SLC6A12: variants seen among roughly 807,000 people sequenced by gnomAD.
SLC6A12 encodes the protein sodium- and chloride-dependent betaine transporter.
In SLC6A12, 50 loss-of-function variants were observed where a neutral mutation model predicts 73.3. The ratio of observed to expected loss-of-function variants is 0.68; its 90% CI spans 0.54 to 0.86. SLC6A12 has a LOEUF of 0.86. SLC6A12 is among the 40% of genes least tolerant of loss of function. The probability of loss-of-function intolerance (pLI) is 0.00; values close to 1 mark genes in which losing one functional copy is unlikely to be tolerated. For synonymous variants in SLC6A12, 304 were observed against 309.2 expected (o/e 0.98, Z 0.18); for missense variants, 648 against 772.8 (o/e 0.84, Z 1.92).
downstream of SLC6A12, among the ~76,000 whole-genome samples, chr12:189,333 C>G (rs1591773516): frequency 1.3e-5 from 2 of 152,310 alleles, no homozygotes; most frequent in South Asian, 4.1e-4. Context: ...GACCCGGCCT[C>G]GTAACTGAGA....
intron 3 of SLC6A12, among the ~76,000 whole-genome samples, chr12:209,395 C>T (rs1026759478): frequency 1.3e-5 from 2 of 152,262 alleles, no homozygotes; most frequent in South Asian, 2.1e-4. Context: ...GGGTGGCACA[C>T]GGAATGTGTT....
chr12:186,750 T>C (rs928136796), downstream of SLC6A12, among the ~76,000 whole-genome samples: 7 of 152,228 alleles, frequency 4.6e-5, 1 homozygote, highest in South Asian at 2.1e-4. Flanking sequence ...TATTGAGATG[T>C]AGCTCTGAAA....
At chr12:201,054 G>A (rs745794261) in intron 6 of SLC6A12, among the ~76,000 whole-genome samples, 12 of 152,174 alleles carry the variant, frequency 7.9e-5, no homozygotes, top group Admixed American at 3.9e-4. Flanking sequence ...GTATAAATGA[G>A]CGTTTAGAGA....
chr12:199,649 C>G (rs1301911027), intron 7 of SLC6A12: 3 of 152,352 alleles, frequency 2.0e-5, no homozygotes, highest in Non-Finnish European at 4.4e-5. Flanking sequence ...AGGGGAAAGG[C>G]TGCTGCGGGA....
chr12:210,307 G>A lies in SLC6A12; in HGVS notation c.-57-264C>T, dbSNP rs531796737. 7.4e-5 allele frequency: 89 copies of A among 1,203,110 alleles called. 1 individual carries two copies. The highest frequency in any genetic ancestry group is 6.3e-4 in the African/African-American group (40 of 63,794). The allele number at this position is 1,203,110 out of a possible 1,614,324, so 74.5% of individuals were successfully genotyped here. ...GGAACCGTGATGAAAACTCAGGCTC[G>A]GGCTTTTCATTTTCATGTCCCTTTT... On this transcript the variant is annotated intron_variant, in intron 2 of 15. Coordinates refer to ENST00000684302, the MANE Select transcript of SLC6A12 (RefSeq NM_001122848.3).
downstream of SLC6A12, among the ~76,000 whole-genome samples, chr12:186,667 G>A (rs1183407271): frequency 3.3e-5 from 5 of 152,340 alleles, no homozygotes; most frequent in East Asian, 7.7e-4. Context: ...CCTCTCTATT[G>A]GGCCAACTGT....
intron 15 of SLC6A12, 94 bp downstream of exon 15, chr12:192,384 T>TGTC: frequency 9.0e-7 from 1 of 1,110,242 alleles, no homozygotes; most frequent in South Asian, 1.4e-5. Context: ...TCAGAGTTTG[T>TGTC]GTCTGCTCCC....
At position 198,867 on chromosome 12, in the gene SLC6A12, G is replaced by T; in HGVS notation, c.776C>A (p.Thr259Asn). Reference protein sequence around the residue: ...MLVILLIRGVTLPGAYQGIIY... With the variant: ...MLVILLIRGVNLPGAYQGIIY... ...GATGCCCTGGTAGGCTCCGGGAAGG[G>T]TGACACCTCTGATCAGCAAAATGAC... Residue 259 changes from threonine (T) to asparagine (N), a missense_variant, in exon 8 of 16, where the codon ACC becomes AAC. Transcript: ENST00000684302. This position sits in a 1 kb window ranked among gnomAD's most constrained non-coding sequence, Gnocchi z 4.0. 6.2e-7 allele frequency: 1 copy of T among 1,614,154 alleles called. No individual in the cohort carries two copies. Among genetic ancestry groups the T allele is most frequent in the Non-Finnish European group, 8.5e-7 (1 of 1,179,990 alleles).
rs777807257 is a variant in SLC6A12, at chr12:196,802, T to C, written c.1156A>G (p.Ile386Val). 1.2e-6 allele frequency: 2 copies of C among 1,613,536 alleles called. No individual in the cohort carries two copies. Among genetic ancestry groups the C allele is most frequent in the African/African-American group, 2.7e-5 (2 of 74,850 alleles). The change falls in exon 11 of 16, where the codon ATC becomes GTC. Residue 386 changes from isoleucine to valine, a missense_variant. By Grantham distance (29) the Ile-to-Val change is conservative (BLOSUM62 3). Transcript: ENST00000684302. ...LSQLWSCLFF[I>V]MLIFLGLDSQ... ...TCCAGCCCTAGGAATATGAGCATGA[T>C]AAAGAACAGGCAGGACCACAGCTGG...
chr12:183,990 A>G, the SLC6A12 span, among the ~76,000 whole-genome samples: 1 of 152,182 alleles, frequency 6.6e-6, no homozygotes, highest in Non-Finnish European at 1.5e-5. Flanking sequence ...AAAGCAGACA[A>G]GCACGGTATG....
downstream of SLC6A12, among the ~76,000 whole-genome samples, chr12:187,012 GCA>G (rs1281025346): frequency 3.9e-5 from 6 of 152,336 alleles, no homozygotes; most frequent in South Asian, 4.2e-4. Flanking sequence ...CTCCGCTAGG[GCA>G]CAGATTATGA....
At chr12:200,199 C>T (rs1205163913) in intron 7 of SLC6A12, among the ~76,000 whole-genome samples, 80 of 150,542 alleles carry the variant, frequency 5.3e-4, no homozygotes, top group African/African-American at 1.9e-3. Context: ...AGCTCCGCCT[C>T]CCGGGTTCAC....
rs1940037135 is a variant in SLC6A12, at chr12:198,459, G to C, written c.846+338C>G. ...CATGCCTGCAGTCCCAGCTGCTCAG[G>C]AGGCTGAGGCGAGAGAATGCCTTGA... On this transcript the variant is annotated intron_variant, in intron 8 of 15. Coordinates refer to ENST00000684302, the MANE Select transcript of SLC6A12 (RefSeq NM_001122848.3). This position sits in a 1 kb window ranked among gnomAD's most constrained non-coding sequence, Gnocchi z 4.0. Among the ~76,000 whole-genome samples, 1 of 152,210 alleles carries C rather than the reference G, an allele frequency of 6.6e-6. No homozygotes were observed. The highest frequency in any genetic ancestry group is 2.4e-5 in the African/African-American group (1 of 41,446).
chr12:197,281 T>C, intron 10 of SLC6A12, 96 bp downstream of exon 10: 1 of 1,370,380 alleles, frequency 7.3e-7, no homozygotes, highest in Non-Finnish European at 9.8e-7. Context: ...ATAAATCATA[T>C]TGCCCATCTT....
the SLC6A12 span, among the ~76,000 whole-genome samples, chr12:184,442 T>A: frequency 6.6e-6 from 1 of 151,898 alleles, no homozygotes; most frequent in Non-Finnish European, 1.5e-5. Flanking sequence ...CTGGCCAACA[T>A]GGCAAAACCT....
chr12:204,813 C>T (rs953286803), intron 3 of SLC6A12, 115 bp from the exon 4 acceptor site: 6 of 1,193,114 alleles, frequency 5.0e-6, no homozygotes, highest in Non-Finnish European at 5.9e-6. Flanking sequence ...TCTTAATCTC[C>T]CTCCTGACAC....
At chr12:208,546 G>A (rs1940762143) in intron 3 of SLC6A12, among the ~76,000 whole-genome samples, 1 of 151,908 alleles carries the variant, frequency 6.6e-6, no homozygotes, top group Admixed American at 6.6e-5. Flanking sequence ...GTTTCCACAA[G>A]AAAAATAAAA....
At chr12:207,490 C>A (rs1337682799) in intron 3 of SLC6A12, among the ~76,000 whole-genome samples, 1 of 152,212 alleles carries the variant, frequency 6.6e-6, no homozygotes, top group African/African-American at 2.4e-5. Context: ...AGTTTTATTA[C>A]TCTTTTTTGT....
intron 5 of SLC6A12, among the ~76,000 whole-genome samples, chr12:202,422 T>C (rs1940319326): frequency 6.6e-6 from 1 of 152,194 alleles, no homozygotes; most frequent in Non-Finnish European, 1.5e-5. Flanking sequence ...CTCGTACCAA[T>C]CTCCAGCCCT....
Sources: allele counts gnomAD v4.1 joint callset (sites outside exome capture counted in the v4.1 genomes callset), GRCh38; gene constraint gnomAD v4.1.1; non-coding constraint Gnocchi (gnomAD v3.1); transcripts MANE v1.5; gene names NCBI Gene and HGNC (gene_info 2026-07-23, HGNC 2026-07-21).